MRTFB: variants seen among roughly 807,000 people sequenced by gnomAD.
MRTFB encodes the protein myocardin-related transcription factor B.
In MRTFB, 29 loss-of-function variants were observed where a neutral mutation model predicts 104.2. That is an observed-to-expected ratio of 0.28 (90% CI 0.21 to 0.38). The LOEUF is 0.38. Ranked by LOEUF, MRTFB falls within the 10% of genes least tolerant of loss-of-function variation. MRTFB has a pLI of 1.00. For synonymous variants in MRTFB, 535 were observed against 519.5 expected (o/e 1.03, Z -0.41); for missense variants, 1,270 against 1,341.6 (o/e 0.95, Z 0.83).
intron 10 of MRTFB, chr16:14,240,898 T>A: frequency 1.6e-6 from 1 of 615,614 alleles, no homozygotes; most frequent in East Asian, 2.7e-5. Flanking sequence ...GATCTTTGTA[T>A]ATAGAAGGCT....
At chr16:14,033,835 CAAA>C in the MRTFB span, among the ~76,000 whole-genome samples, 21 of 90,444 alleles carry the variant, frequency 2.3e-4, no homozygotes, top group Admixed American at 4.5e-4. Flanking sequence ...GACTCAGTCT[CAAA>C]AAAAAAAAAA....
intron 2 of MRTFB, among the ~76,000 whole-genome samples, chr16:14,112,528 C>A (rs2036326043): frequency 6.6e-6 from 1 of 152,234 alleles, no homozygotes; most frequent in African/African-American, 2.4e-5. Context: ...CTTAAAAGGG[C>A]TGCAAAGGAA....
intron 8 of MRTFB, among the ~76,000 whole-genome samples, chr16:14,230,086 A>G (rs936744434): frequency 6.6e-6 from 1 of 152,164 alleles, no homozygotes; most frequent in Non-Finnish European, 1.5e-5. Flanking sequence ...CATATGTAGA[A>G]AGCTGAAACT....
rs532772123 is a variant in MRTFB, at chr16:14,154,321, G to A, written c.154+13561G>A. Among the ~76,000 whole-genome samples the A allele has an allele frequency of 2.3e-3, 352 of 152,206 alleles. 1 individual carries two copies. Among genetic ancestry groups the A allele is most frequent in the African/African-American group, 7.6e-3 (317 of 41,522 alleles). On this transcript the variant is annotated intron_variant, in intron 3 of 16. Transcript: ENST00000571589. The stretch of plus-strand genomic sequence containing the variant: ...CTGCACTCTAGCCTGGTGACAGAGC[G>A]AGACTCATCTCCGTTTTTGAAAAAT...
At chr16:14,028,834 G>A in the MRTFB span, among the ~76,000 whole-genome samples, 1 of 134,646 alleles carries the variant, frequency 7.4e-6, no homozygotes, top group African/African-American at 2.5e-5. Flanking sequence ...TCAGGGCCAG[G>A]CAGATTGTTT....
At chr16:14,256,646 C>T (rs1392071426) in intron 15 of MRTFB, among the ~76,000 whole-genome samples, 2 of 152,226 alleles carry the variant, frequency 1.3e-5, no homozygotes, top group Non-Finnish European at 1.5e-5. Context: ...AGGGCATTCC[C>T]CAGCCACACC....
In MRTFB at chr16:14,234,195, C is replaced by T. The variant is rs769890851; in HGVS notation, c.743C>T (p.Thr248Ile). 8 of 1,614,146 alleles carry T rather than the reference C, an allele frequency of 5.0e-6. No homozygotes were observed. The East Asian group carries it at 1.1e-4, about 22-fold the overall frequency. Residue 248 changes from threonine to isoleucine, a missense_variant, in exon 9 of 17, where the codon ACT becomes ATT. This residue lies in a region of MRTFB where 1,144 missense variants were observed against 1,131.5 expected (regional missense o/e 1.01). Coordinates refer to ENST00000571589, the MANE Select transcript of MRTFB (RefSeq NM_001308142.2). ...CCTGAATTCTTGAAAACTCCTCCAA[C>T]TGCAGATCAGCCTCCCCCACGGCCT... Reference protein sequence around the residue: ...TVPEFLKTPPTADQPPPRPAA... With the variant: ...TVPEFLKTPPIADQPPPRPAA...
intron 3 of MRTFB, among the ~76,000 whole-genome samples, chr16:14,155,217 G>A (rs963225083): frequency 2.6e-5 from 4 of 151,042 alleles, no homozygotes; most frequent in African/African-American, 9.8e-5. Context: ...TTTTTTTCAA[G>A]TATTCCCTGA....
At chr16:14,113,282 G>T (rs1221180707) in intron 2 of MRTFB, among the ~76,000 whole-genome samples, 2 of 152,226 alleles carry the variant, frequency 1.3e-5, no homozygotes, top group East Asian at 3.8e-4. Context: ...GACCTCAGGT[G>T]ATCCACCCGC....
At chr16:14,244,060 A>G (rs907880069) in intron 10 of MRTFB, among the ~76,000 whole-genome samples, 1 of 151,688 alleles carries the variant, frequency 6.6e-6, no homozygotes, top group African/African-American at 2.4e-5. Context: ...TGTATTTTTA[A>G]GTAGAGACGG....
At chr16:14,173,770 T>G (rs2039495389) in intron 3 of MRTFB, among the ~76,000 whole-genome samples, 1 of 152,212 alleles carries the variant, frequency 6.6e-6, no homozygotes, top group African/African-American at 2.4e-5. Flanking sequence ...TTTTAATCTT[T>G]TTCCTCTTTG....
intron 10 of MRTFB, chr16:14,240,853 G>A (rs1273043088): frequency 3.1e-6 from 2 of 645,304 alleles, no homozygotes; most frequent in Non-Finnish European, 5.5e-6. Flanking sequence ...CATGAAAGCT[G>A]GAGTGGTCAA....
At chr16:14,248,748 T>A in intron 12 of MRTFB, 178 bp from the exon 13 acceptor site, 1 of 591,990 alleles carries the variant, frequency 1.7e-6, no homozygotes, top group Non-Finnish European at 2.9e-6. Context: ...GATGTTTCCC[T>A]CTCTGGTTTA....
chr16:14,065,188 G>A, the MRTFB span, among the ~76,000 whole-genome samples: 12 of 152,150 alleles, frequency 7.9e-5, no homozygotes, highest in South Asian at 1.5e-3. Context: ...CTGGGTAGCC[G>A]TATTCTTAGG....
chr16:14,124,886 T>G (rs2037032347), intron 2 of MRTFB, among the ~76,000 whole-genome samples: 1 of 152,052 alleles, frequency 6.6e-6, no homozygotes, highest in African/African-American at 2.4e-5. Flanking sequence ...TTGTTTTCAG[T>G]TTTTTTTCCT....
intron 3 of MRTFB, among the ~76,000 whole-genome samples, chr16:14,179,098 A>T (rs755661442): frequency 2.6e-5 from 4 of 152,234 alleles, no homozygotes; most frequent in Admixed American, 6.5e-5. Context: ...TTATAAATGA[A>T]GTGTAAACTC....
chr16:14,019,726 C>A, the MRTFB span, among the ~76,000 whole-genome samples: 2 of 152,256 alleles, frequency 1.3e-5, no homozygotes, highest in Admixed American at 6.5e-5. Flanking sequence ...AGCCAGCTAG[C>A]AATTACTTAA....
At chr16:14,060,886 C>T in the MRTFB span, among the ~76,000 whole-genome samples, 3 of 152,118 alleles carry the variant, frequency 2.0e-5, no homozygotes, top group East Asian at 1.9e-4. Flanking sequence ...GTGGCTCACG[C>T]CTGTAATCCC....
intron 13 of MRTFB, among the ~76,000 whole-genome samples, chr16:14,251,085 C>T (rs1597378980): frequency 6.6e-6 from 1 of 152,030 alleles, no homozygotes; most frequent in African/African-American, 2.4e-5. Context: ...CCATTGAAGA[C>T]TTGAGAGTAG....
Sources: allele counts gnomAD v4.1 joint callset (sites outside exome capture counted in the v4.1 genomes callset), GRCh38; gene constraint gnomAD v4.1.1; regional missense constraint gnomAD v4.1.1; transcripts MANE v1.5; gene names NCBI Gene and HGNC (gene_info 2026-07-23, HGNC 2026-07-21).